MSH3: variants seen among roughly 807,000 people sequenced by gnomAD.
MSH3 encodes the protein mutS homolog 3, also known as DNA mismatch repair protein Msh3.
A neutral mutation model predicts 123.3 loss-of-function variants in MSH3; 106 were observed. The observed-to-expected ratio is 0.86, with a 90% CI of 0.73 to 1.01. The LOEUF is 1.01. Among genes scored for constraint, MSH3 ranks in the 50% least tolerant of loss-of-function variants. The pLI is 0.00. For missense variants in MSH3, 1,459 were observed against 1,347.6 expected, an observed-to-expected ratio of 1.08 and a Z score of -1.29; for synonymous variants, 515 against 481.4, an observed-to-expected ratio of 1.07 and a Z score of -0.91.
At chr5:80,718,156 C>A (rs1437164275) in intron 8 of MSH3, among the ~76,000 whole-genome samples, 2 of 152,210 alleles carry the variant, frequency 1.3e-5, no homozygotes, top group Non-Finnish European at 2.9e-5. Context: ...TCATAGCCCT[C>A]AGAGGAATCA....
intron 12 of MSH3, among the ~76,000 whole-genome samples, chr5:80,756,404 T>A (rs1354379460): frequency 6.6e-6 from 1 of 152,156 alleles, no homozygotes; most frequent in Non-Finnish European, 1.5e-5. Context: ...TTGAAACAGC[T>A]TTCTAACTGG....
rs71640414 is a variant in MSH3, at chr5:80,776,928, A to ATATTTT, written c.2318+1171_2318+1172insATTTTT. ...ATAATACAAATATATATATATATAT[A>ATATTTT]TTTTTTTTTTTTCTTTTTTTTAAGA... On this transcript the variant is annotated intron_variant, in intron 16 of 23. Transcript: ENST00000265081. Among the ~76,000 whole-genome samples the ATATTTT allele has an allele frequency of 1.4e-4, 19 of 139,398 alleles. No individual in the cohort carries two copies. In the East Asian group the frequency reaches 1.5e-3, roughly 11 times the overall value. 91.5% of individuals were successfully genotyped at this position (139,398 alleles called of 152,430 possible).
intron 18 of MSH3, among the ~76,000 whole-genome samples, chr5:80,788,270 CTAAAAATACAAAAAAAAT>C (rs1206924020): frequency 6.6e-6 from 1 of 151,834 alleles, no homozygotes; most frequent in Non-Finnish European, 1.5e-5. Context: ...CCCATCTCTA[CTAAAAATACAAAAAAAAT>C]TAGCCGGGTG....
intron 18 of MSH3, among the ~76,000 whole-genome samples, chr5:80,790,171 T>C (rs1188431313): frequency 1.3e-5 from 2 of 152,160 alleles, no homozygotes; most frequent in Non-Finnish European, 2.9e-5. Flanking sequence ...TGGAGATGTG[T>C]ATAGGATTGT....
chr5:80,735,492 G>A (rs1355136813), intron 10 of MSH3, among the ~76,000 whole-genome samples: 6 of 151,338 alleles, frequency 4.0e-5, no homozygotes, highest in African/African-American at 1.2e-4. Flanking sequence ...TCCGAGACCA[G>A]CCTGGGTAAC....
intron 13 of MSH3, among the ~76,000 whole-genome samples, chr5:80,767,396 A>G (rs1171982674): frequency 1.3e-5 from 2 of 152,142 alleles, no homozygotes; most frequent in Non-Finnish European, 2.9e-5. Context: ...AAGCTTTTAA[A>G]TCTTTGGCGT....
intron 21 of MSH3, among the ~76,000 whole-genome samples, chr5:80,859,784 C>T (rs1402172900): frequency 6.8e-6 from 1 of 146,398 alleles, no homozygotes; most frequent in East Asian, 2.0e-4. Context: ...TACTGTGTTG[C>T]CTAGGCTGGC....
At chr5:80,810,382 A>G (rs1028780078) in intron 19 of MSH3, among the ~76,000 whole-genome samples, 4 of 54,114 alleles carry the variant, frequency 7.4e-5, no homozygotes, top group Admixed American at 5.7e-4. Flanking sequence ...CATACAAACA[A>G]TATTACAGTG....
chr5:80,873,758 A>T (rs1374579516), intron 23 of MSH3, among the ~76,000 whole-genome samples: 1 of 152,212 alleles, frequency 6.6e-6, no homozygotes, highest in East Asian at 1.9e-4. Flanking sequence ...AGATTGTGAC[A>T]AATTTTTCAT....
At chr5:80,864,688 G>T (rs1746069715) in intron 21 of MSH3, 125 bp from the exon 22 acceptor site, 1 of 779,176 alleles carries the variant, frequency 1.3e-6, no homozygotes, top group Non-Finnish European at 2.1e-6. Flanking sequence ...TATAATAATT[G>T]GTCGTTGTAC....
intron 7 of MSH3, 27 bp downstream of exon 7, chr5:80,675,155 A>G (rs765972998): frequency 6.2e-7 from 1 of 1,611,414 alleles, no homozygotes; most frequent in Non-Finnish European, 8.5e-7. Context: ...TGAGGAACAA[A>G]TGTTAGATGT....
At chr5:80,675,827 A>ACAAG (rs1028356798) in intron 7 of MSH3, among the ~76,000 whole-genome samples, 171 of 152,314 alleles carry the variant, frequency 1.1e-3, no homozygotes, top group African/African-American at 3.9e-3. Flanking sequence ...CTAAGCCAAC[A>ACAAG]CAAGCATGGT....
At position 80,692,566 on chromosome 5, in the gene MSH3, ATATGTTTATATAGAGAGATAAACATG is replaced by A. The variant is rs1750317044; in HGVS notation, c.1340+13477_1340+13502del. Among the ~76,000 whole-genome samples the A allele has an allele frequency of 6.5e-5, 9 of 139,012 alleles. 1 individual carries two copies. The highest frequency in any genetic ancestry group is 2.4e-4 in the African/African-American group (9 of 37,298). The allele number at this position is 139,012 out of a possible 152,430, so 91.2% of individuals were successfully genotyped here. On this transcript the variant is annotated intron_variant, in intron 8 of 23. Coordinates refer to ENST00000265081, the MANE Select transcript of MSH3 (RefSeq NM_002439.5). ...TGTTTATATAGAGAGATAAACATGT[ATATGTTTATATAGAGAGATAAACATG>A]TATATGTTTATATAGATGAATATAT...
chr5:80,869,813 C>CATATATAT (rs372333581), intron 22 of MSH3, among the ~76,000 whole-genome samples: 1 of 129,408 alleles, frequency 7.7e-6, no homozygotes, highest in Admixed American at 8.4e-5. Context: ...TACATATATA[C>CATATATAT]ATATATATAT....
chr5:80,736,586 C>T (rs1349577562), intron 10 of MSH3, among the ~76,000 whole-genome samples: 1 of 152,068 alleles, frequency 6.6e-6, no homozygotes, highest in Non-Finnish European at 1.5e-5. Context: ...GAGTTTTCAC[C>T]ATTTCGTGAT....
chr5:80,770,728 A>G (rs991624383), intron 15 of MSH3, among the ~76,000 whole-genome samples: 23 of 152,160 alleles, frequency 1.5e-4, no homozygotes, highest in African/African-American at 5.1e-4. Context: ...GATTCTCAAC[A>G]CCATGGATTT....
chr5:80,862,077 A>G (rs1217392866), intron 21 of MSH3, among the ~76,000 whole-genome samples: 1 of 152,030 alleles, frequency 6.6e-6, no homozygotes, highest in Non-Finnish European at 1.5e-5. Context: ...AAGGAGCAAT[A>G]AGGGAGGTCA....
At chr5:80,721,811 G>A (rs1260978166) in intron 8 of MSH3, among the ~76,000 whole-genome samples, 1 of 152,116 alleles carries the variant, frequency 6.6e-6, no homozygotes, top group East Asian at 1.9e-4. Flanking sequence ...AATTACAAAT[G>A]TGTGTTACAT....
intron 12 of MSH3, among the ~76,000 whole-genome samples, chr5:80,755,816 G>A (rs1260188736): frequency 6.6e-6 from 1 of 152,148 alleles, no homozygotes; most frequent in Non-Finnish European, 1.5e-5. Flanking sequence ...CCATAGTAAC[G>A]TGAGACACTC....
Sources: allele counts gnomAD v4.1 joint callset (sites outside exome capture counted in the v4.1 genomes callset), GRCh38; gene constraint gnomAD v4.1.1; transcripts MANE v1.5; gene names NCBI Gene and HGNC (gene_info 2026-07-23, HGNC 2026-07-21).